ATXN10: variants seen among roughly 807,000 people sequenced by gnomAD.
The protein encoded by ATXN10 is ataxin 10, also known as ataxin-10.
ATXN10 carries 28 observed loss-of-function variants against 52.9 expected under a neutral mutation model. The observed-to-expected ratio is 0.53, with a 90% CI of 0.39 to 0.73. ATXN10 has a LOEUF of 0.73. Among genes scored for constraint, ATXN10 ranks in the 30% least tolerant of loss-of-function variants. ATXN10 has a pLI of 0.00. For synonymous variants in ATXN10, 226 were observed against 221.5 expected (o/e 1.02, Z -0.18); for missense variants, 565 against 577.0 (o/e 0.98, Z 0.21).
rs983521380 is a variant in ATXN10 at position 45,840,558 on chromosome 22, C to T, written c.1238-2433C>T. On this transcript the variant is annotated intron_variant, in intron 10 of 11. Coordinates refer to ENST00000252934, the MANE Select transcript of ATXN10 (RefSeq NM_013236.4). This position sits in a 1 kb window ranked among gnomAD's most constrained non-coding sequence, Gnocchi z 5.8. ...GGGGAGGCCAGCGTTGCAACATTGT[C>T]AGAGGCTGAGAGATGAGGGCGCCTG... Among the ~76,000 whole-genome samples, 1 of 152,176 alleles carries T rather than the reference C, an allele frequency of 6.6e-6. No homozygotes were observed. The highest frequency in any genetic ancestry group is 1.5e-5 in the Non-Finnish European group (1 of 68,042).
In ATXN10 at chr22:45,677,868, G is replaced by A. The variant is rs1922764976; in HGVS notation, c.116+5689G>A. On this transcript the variant is annotated intron_variant, in intron 1 of 11. Coordinates refer to ENST00000252934, the MANE Select transcript of ATXN10 (RefSeq NM_013236.4). The surrounding 1 kb of genome is among the most constrained non-coding windows in gnomAD (Gnocchi z 4.1). ...ACCCTTGTGTGTTGCTAGTGGACAT[G>A]TAAAGTGGTGCTGCTACTATGGAAA... The A allele has an allele frequency of 6.6e-6, 1 of 152,206 alleles. No homozygotes were observed. The highest frequency in any genetic ancestry group is 2.4e-5 in the African/African-American group (1 of 41,454). The allele number at this position is 152,206 out of a possible 1,614,324, so 9.4% of individuals were successfully genotyped here. A position where few individuals can be genotyped will look rare whatever the true frequency, so the allele number is the denominator to read the frequency against.
At chr22:45,817,291 T>C (rs1037409921) in intron 10 of ATXN10, among the ~76,000 whole-genome samples, 1 of 152,026 alleles carries the variant, frequency 6.6e-6, no homozygotes, top group African/African-American at 2.4e-5. Flanking sequence ...GAGAGAATCT[T>C]TTTGGTATGG....
chr22:45,729,019 G>T (rs1458884946), intron 6 of ATXN10, among the ~76,000 whole-genome samples: 1 of 152,168 alleles, frequency 6.6e-6, no homozygotes, highest in Non-Finnish European at 1.5e-5. Context: ...TGGAGTTTTT[G>T]TGAGGATTAA....
In ATXN10 at chr22:45,766,985, C is replaced by T. The variant is rs896673575; in HGVS notation, c.1173+26447C>T. ...CCTGTGTGATATCAAATGTAGTTGG[C>T]AAGACCATAGGGCAACAAATATTCT... On this transcript the variant is annotated intron_variant, in intron 9 of 11. Coordinates refer to ENST00000252934, the MANE Select transcript of ATXN10 (RefSeq NM_013236.4). This position sits in a 1 kb window ranked among gnomAD's most constrained non-coding sequence, Gnocchi z 4.6. Among the ~76,000 whole-genome samples, 1 of 152,188 alleles carries T rather than the reference C, an allele frequency of 6.6e-6. No individual in the cohort carries two copies.
intron 5 of ATXN10, among the ~76,000 whole-genome samples, chr22:45,713,751 C>A (rs1732730173): frequency 6.6e-6 from 1 of 152,216 alleles, no homozygotes; most frequent in Non-Finnish European, 1.5e-5. Context: ...ACCCCTACTT[C>A]TCCCCACACT....
At chr22:45,788,381 C>A (rs1229158518) in intron 9 of ATXN10, among the ~76,000 whole-genome samples, 1 of 151,668 alleles carries the variant, frequency 6.6e-6, no homozygotes, top group Non-Finnish European at 1.5e-5. Flanking sequence ...CTCTTAGAAT[C>A]TTCCAGTTGT....
Position 45,820,212 on chromosome 22 carries a change from T to C in ATXN10, c.1237+13190T>C, listed in dbSNP as rs989697324. ...GAAGGAAAATCTCTAATGGGACTTA[T>C]AAGCAGGCACTCATTTCCTTATCCA... On this transcript the variant is annotated intron_variant, in intron 10 of 11. Coordinates refer to ENST00000252934, the MANE Select transcript of ATXN10 (RefSeq NM_013236.4). The surrounding 1 kb of genome is among the most constrained non-coding windows in gnomAD (Gnocchi z 4.9). 5.3e-5 allele frequency among the ~76,000 whole-genome samples: 8 copies of C among 152,226 alleles called. No individual in the cohort carries two copies. Among genetic ancestry groups the C allele is most frequent in the East Asian group, 3.8e-4 (2 of 5,198 alleles).
Position 45,818,987 on chromosome 22 carries a change from C to T in ATXN10, c.1237+11965C>T, listed in dbSNP as rs1928558757. Among the ~76,000 whole-genome samples, 1 of 152,142 alleles carries T rather than the reference C, an allele frequency of 6.6e-6. No individual in the cohort carries two copies. Among genetic ancestry groups the T allele is most frequent in the Non-Finnish European group, 1.5e-5 (1 of 68,030 alleles). On this transcript the variant is annotated intron_variant, in intron 10 of 11. Transcript: ENST00000252934. This position sits in a 1 kb window ranked among gnomAD's most constrained non-coding sequence, Gnocchi z 4.6. ...TGCGTAGTCTGACACGTAGGGAAAA[C>T]ATGAGAAATCCATGCCTAAATAATT...
rs1922736497 is a variant in ATXN10, at chr22:45,677,318, T to C, written c.116+5139T>C. ...ATAGTGGCAGATGCTTATCAGTTTCTTGTGGAGTTGCTGCTATTTCTATAA... is the reference window on the plus strand; with the variant it reads ...ATAGTGGCAGATGCTTATCAGTTTCCTGTGGAGTTGCTGCTATTTCTATAA... On this transcript the variant is annotated intron_variant, in intron 1 of 11. Transcript: ENST00000252934. This position sits in a 1 kb window ranked among gnomAD's most constrained non-coding sequence, Gnocchi z 4.1. 6.6e-6 allele frequency: 1 copy of C among 152,200 alleles called. No individual in the cohort carries two copies. The highest frequency in any genetic ancestry group is 1.5e-5 in the Non-Finnish European group (1 of 68,024). The allele number at this position is 152,200 out of a possible 1,614,324, so 9.4% of individuals were successfully genotyped here. A position where few individuals can be genotyped will look rare whatever the true frequency, so the allele number is the denominator to read the frequency against.
intron 7 of ATXN10, 120 bp downstream of exon 7, chr22:45,729,710 A>T (rs1925013721): frequency 9.1e-7 from 1 of 1,100,384 alleles, no homozygotes; most frequent in African/African-American, 1.6e-5. Context: ...TAAGTAATGT[A>T]TCCATATATG....
chr22:45,741,934 G>C (rs1434276492), intron 9 of ATXN10, among the ~76,000 whole-genome samples: 1 of 152,136 alleles, frequency 6.6e-6, no homozygotes, highest in South Asian at 2.1e-4. Flanking sequence ...TTTCTAGCTT[G>C]AAGAATCAAA....
In ATXN10 at chr22:45,843,142, G is replaced by A; in HGVS notation, c.1389G>A (p.Lys463=). 6.2e-7 allele frequency: 1 copy of A among 1,614,068 alleles called. No homozygotes were observed. The highest frequency in any genetic ancestry group is 1.1e-5 in the South Asian group (1 of 91,078). ...VGFEVEKKGE[K]LILKSTRDTP... ...TTGAAGTTGAAAAGAAAGGCGAAAA[G>A]CTGATCCTGAAATCTACTAGAGACA... The change falls in exon 11 of 12, where the codon AAG becomes AAA. Residue 463 remains lysine (K), a synonymous_variant. Transcript: ENST00000252934. The surrounding 1 kb of genome is among the most constrained non-coding windows in gnomAD (Gnocchi z 4.5).
intron 6 of ATXN10, among the ~76,000 whole-genome samples, chr22:45,720,586 C>T (rs572636583): frequency 1.1e-4 from 16 of 152,244 alleles, no homozygotes; most frequent in African/African-American, 3.9e-4. Context: ...GGAACTTTTT[C>T]ATCTTGTGTA....
rs533500958 is a variant in ATXN10 at position 45,795,843 on chromosome 22, G to A, written c.1174-11116G>A. ...GTCTTGTCTTTAATATCTTAATCTC[G>A]TCATCTTCATAAGCTGAGGATGTAT... On this transcript the variant is annotated intron_variant, in intron 9 of 11. Coordinates refer to ENST00000252934, the MANE Select transcript of ATXN10 (RefSeq NM_013236.4). This position sits in a 1 kb window ranked among gnomAD's most constrained non-coding sequence, Gnocchi z 4.6. Among the ~76,000 whole-genome samples, 13 of 152,060 alleles carry A rather than the reference G, an allele frequency of 8.5e-5. No individual in the cohort carries two copies. Among genetic ancestry groups the A allele is most frequent in the South Asian group, 2.1e-4 (1 of 4,818 alleles).
At chr22:45,730,628 G>A (rs1243770626) in intron 7 of ATXN10, among the ~76,000 whole-genome samples, 2 of 152,136 alleles carry the variant, frequency 1.3e-5, no homozygotes, top group Admixed American at 6.5e-5. Flanking sequence ...GTAGAGACGG[G>A]GTTTCGGCAT....
intron 3 of ATXN10, among the ~76,000 whole-genome samples, chr22:45,697,780 G>A (rs1311648144): frequency 5.3e-5 from 8 of 152,042 alleles, no homozygotes; most frequent in African/African-American, 1.9e-4. Flanking sequence ...ACAGGCGCCC[G>A]CCACCACGCC....
In ATXN10 at chr22:45,690,820, T is replaced by C. The variant is rs979295005; in HGVS notation, c.308+917T>C. Among the ~76,000 whole-genome samples the C allele has an allele frequency of 1.1e-4, 17 of 152,366 alleles. No individual in the cohort carries two copies. The highest frequency in any genetic ancestry group is 6.8e-3 in the Middle Eastern group (2 of 294). The stretch of plus-strand genomic sequence containing the variant: ...AGAACACAGCATCTTTCTTCTTTGA[T>C]TTTGTGGAACCTGCTTTTTATTAAA... On this transcript the variant is annotated intron_variant, in intron 2 of 11. Transcript: ENST00000252934. The surrounding 1 kb of genome is among the most constrained non-coding windows in gnomAD (Gnocchi z 4.5).
rs550249438 is a variant in ATXN10, at chr22:45,778,005, G to T, written c.1174-28954G>T. The stretch of plus-strand genomic sequence containing the variant: ...TAAAGTTTTATTGGGACATAGTTGT[G>T]TTCATTTCTTTAATATTGCCTATGG... On this transcript the variant is annotated intron_variant, in intron 9 of 11. Transcript: ENST00000252934. Among the ~76,000 whole-genome samples, 13 of 152,292 alleles carry T rather than the reference G, an allele frequency of 8.5e-5. No individual in the cohort carries two copies. In the East Asian group the frequency reaches 2.5e-3, roughly 29 times the overall value.
intron 10 of ATXN10, among the ~76,000 whole-genome samples, chr22:45,807,671 A>C (rs562022035): frequency 2.0e-4 from 30 of 152,350 alleles, no homozygotes; most frequent in South Asian, 4.1e-4. Context: ...AAAACTGTAC[A>C]GTGGTGACTA....
Sources: gnomAD v4.1 joint callset for allele counts (sites outside exome capture counted in the v4.1 genomes callset) on GRCh38, gnomAD v4.1.1 for gene constraint, Gnocchi (gnomAD v3.1) non-coding constraint, MANE v1.5 for transcripts, NCBI Gene and HGNC (gene_info 2026-07-23, HGNC 2026-07-21) for gene names.